The following SYNJ1 variants were observed in gnomAD, a reference collection of about 807,000 sequenced individuals.
SYNJ1 encodes the protein synaptojanin 1.
SYNJ1 carries 78 observed loss-of-function variants against 168.2 expected under a neutral mutation model. The ratio of observed to expected loss-of-function variants is 0.46; its 90% CI spans 0.39 to 0.56. The LOEUF (loss-of-function observed/expected upper bound fraction) is 0.56. Among genes scored for constraint, SYNJ1 ranks in the 20% least tolerant of loss-of-function variants. The pLI is 0.00. For missense variants in SYNJ1, 1,303 were observed against 1,597.6 expected (o/e 0.82, Z 3.14); for synonymous variants, 539 against 548.6 (o/e 0.98, Z 0.24).
chr21:32,641,228 C>G (rs1190091056), intron 29 of SYNJ1, among the ~76,000 whole-genome samples: 1 of 152,158 alleles, frequency 6.6e-6, no homozygotes, highest in Non-Finnish European at 1.5e-5. Flanking sequence ...AGTCCCAGCT[C>G]CTACTGGACT....
In SYNJ1 at chr21:32,631,627, T is replaced by A; in HGVS notation, c.*178A>T. On this transcript the variant is annotated 3_prime_UTR_variant, in exon 33 of 33. Transcript: ENST00000674351. ...CAACTTACAGAACTCAAAACATTACTTTGCGTTGCAGAAGGCAACTGAATC... is the reference window on the plus strand; with the variant it reads ...CAACTTACAGAACTCAAAACATTACATTGCGTTGCAGAAGGCAACTGAATC... 1 of 1,502,552 alleles carries A rather than the reference T, an allele frequency of 6.7e-7. No individual in the cohort carries two copies. Among genetic ancestry groups the A allele is most frequent in the Non-Finnish European group, 9.0e-7 (1 of 1,114,728 alleles). The allele number at this position is 1,502,552 out of a possible 1,614,324, so 93.1% of individuals were successfully genotyped here. A position where few individuals can be genotyped will look rare whatever the true frequency, so the allele number is the denominator to read the frequency against.
intron 5 of SYNJ1, among the ~76,000 whole-genome samples, 172 bp downstream of exon 5, chr21:32,694,885 A>G (rs956555660): frequency 2.6e-5 from 4 of 152,220 alleles, no homozygotes; most frequent in Admixed American, 2.0e-4. Context: ...CCACACCAAA[A>G]TAAGTTTTTT....
At chr21:32,708,559 A>G (rs1569122139) in intron 2 of SYNJ1, among the ~76,000 whole-genome samples, 1 of 152,274 alleles carries the variant, frequency 6.6e-6, no homozygotes, top group Non-Finnish European at 1.5e-5. Flanking sequence ...ACAGCAGTTC[A>G]GGTGAGGTAA....
chr21:32,662,072 T>A (rs2145892463), intron 18 of SYNJ1, among the ~76,000 whole-genome samples: 1 of 152,192 alleles, frequency 6.6e-6, no homozygotes, highest in East Asian at 1.9e-4. Flanking sequence ...GGAGAAGGAA[T>A]CCCAGCCTGG....
chr21:32,706,756 C>T (rs933057539), intron 2 of SYNJ1, among the ~76,000 whole-genome samples: 1 of 151,954 alleles, frequency 6.6e-6, no homozygotes, highest in Admixed American at 6.6e-5. Context: ...TTTTATGAGA[C>T]TCCATAAACT....
chr21:32,720,720 A>G (rs2043190004), intron 2 of SYNJ1, among the ~76,000 whole-genome samples: 1 of 152,242 alleles, frequency 6.6e-6, no homozygotes, highest in Admixed American at 6.5e-5. Context: ...TATGGAAAAG[A>G]GCAAAAGCTT....
At chr21:32,669,230 A>G (rs555623894) in intron 15 of SYNJ1, among the ~76,000 whole-genome samples, 1 of 152,292 alleles carries the variant, frequency 6.6e-6, no homozygotes, top group East Asian at 1.9e-4. Context: ...TAAAAGAACT[A>G]ATGACAGACG....
At chr21:32,657,658 C>A in intron 19 of SYNJ1, 58 bp downstream of exon 19, 1 of 1,466,158 alleles carries the variant, frequency 6.8e-7, no homozygotes, top group Non-Finnish European at 9.1e-7. Context: ...TTATGTCATT[C>A]CCTGCTTCCT....
intron 6 of SYNJ1, among the ~76,000 whole-genome samples, chr21:32,689,710 C>G (rs888329750): frequency 6.6e-6 from 1 of 152,230 alleles, no homozygotes; most frequent in South Asian, 2.1e-4. Flanking sequence ...ACTGAATTAA[C>G]AGTACAGTAT....
Position 32,644,956 on chromosome 21 carries a change from G to A in SYNJ1, c.3430+12C>T, listed in dbSNP as rs1468489631. 14 of 1,606,574 alleles carry A rather than the reference G, an allele frequency of 8.7e-6. No homozygotes were observed. Among genetic ancestry groups the A allele is most frequent in the East Asian group, 6.8e-5 (3 of 44,384 alleles). On this transcript the variant is annotated intron_variant, in intron 26 of 32. Coordinates refer to ENST00000674351, the MANE Select transcript of SYNJ1 (RefSeq NM_203446.3). ...CCACGATTCACACATGCTAACAAAT[G>A]TAAATGGTTACCTCCAAATTCCTTT...
At chr21:32,672,904 GATCA>G (rs961320515) in intron 14 of SYNJ1, among the ~76,000 whole-genome samples, 36 of 151,984 alleles carry the variant, frequency 2.4e-4, no homozygotes, top group African/African-American at 8.0e-4. Flanking sequence ...AAACTCAAGT[GATCA>G]ATTATATTTT....
chr21:32,650,067 A>C lies in SYNJ1; in HGVS notation c.3037+117T>G, dbSNP rs1022543893. ...ACCTGGCCAAAATACATTCTAATTAATAGTGCTATGTACGTCCCAAGAAGA... is the reference window on the plus strand; with the variant it reads ...ACCTGGCCAAAATACATTCTAATTACTAGTGCTATGTACGTCCCAAGAAGA... On this transcript the variant is annotated intron_variant, in intron 23 of 32. Transcript: ENST00000674351. 2.4e-6 allele frequency: 3 copies of C among 1,245,062 alleles called. No homozygotes were observed. In the African/African-American group the frequency reaches 4.7e-5, roughly 19 times the overall value. The allele number at this position is 1,245,062 out of a possible 1,614,324, so 77.1% of individuals were successfully genotyped here.
Position 32,728,000 on chromosome 21 carries a change from G to A in SYNJ1, c.-77C>T, listed in dbSNP as rs2043555718. 2 of 1,536,252 alleles carry A rather than the reference G, an allele frequency of 1.3e-6. No individual in the cohort carries two copies. The highest frequency in any genetic ancestry group is 2.5e-5 in the East Asian group (1 of 40,714). ...CCCGCAGCCGCCGCCACAGCCGCCGGGAGCGTCACTTCCGCTCCAGCAGGC... is the reference window on the plus strand; with the variant it reads ...CCCGCAGCCGCCGCCACAGCCGCCGAGAGCGTCACTTCCGCTCCAGCAGGC... On this transcript the variant is annotated 5_prime_UTR_variant, in exon 1 of 33. Coordinates refer to ENST00000674351, the MANE Select transcript of SYNJ1 (RefSeq NM_203446.3).
intron 2 of SYNJ1, among the ~76,000 whole-genome samples, chr21:32,707,594 A>T (rs2042661889): frequency 6.6e-6 from 1 of 152,114 alleles, no homozygotes; most frequent in African/African-American, 2.4e-5. Context: ...TTGGCCTCGC[A>T]AAGTACTGGG....
upstream of SYNJ1, chr21:32,728,118 C>A: frequency 2.1e-6 from 3 of 1,438,338 alleles, 1 homozygote; most frequent in South Asian, 4.2e-5. Context: ...CACGCCCACT[C>A]TGCGCCGACC....
At chr21:32,679,966 T>C (rs1269615265) in intron 11 of SYNJ1, among the ~76,000 whole-genome samples, 1 of 151,998 alleles carries the variant, frequency 6.6e-6, no homozygotes, top group Non-Finnish European at 1.5e-5. Flanking sequence ...AAAAGACCAC[T>C]GAAAATATAT....
intron 11 of SYNJ1, 65 bp downstream of exon 11, chr21:32,681,431 T>A: frequency 1.3e-6 from 2 of 1,489,200 alleles, no homozygotes. Flanking sequence ...AAAAGGCCAT[T>A]TAAAAGCTTT....
chr21:32,675,477 G>T (rs1435508165), intron 13 of SYNJ1, among the ~76,000 whole-genome samples: 4 of 152,122 alleles, frequency 2.6e-5, no homozygotes, highest in Non-Finnish European at 5.9e-5. Context: ...TACTATTTCA[G>T]AAAATGGTGT....
At chr21:32,638,129 A>G (rs1418262310) in intron 31 of SYNJ1, among the ~76,000 whole-genome samples, 1 of 152,224 alleles carries the variant, frequency 6.6e-6, no homozygotes, top group African/African-American at 2.4e-5. Context: ...AATGCAGTGG[A>G]GCGATCATGG....
Sources: gnomAD v4.1 joint callset for allele counts (sites outside exome capture counted in the v4.1 genomes callset) on GRCh38, gnomAD v4.1.1 for gene constraint, MANE v1.5 for transcripts, NCBI Gene and HGNC (gene_info 2026-07-23, HGNC 2026-07-21) for gene names.